Variants in ASPRV1 observed in about 807,000 individuals in gnomAD.
ASPRV1 encodes retroviral-like aspartic protease 1.
A neutral mutation model predicts 11.0 loss-of-function variants in ASPRV1; 7 were observed. The ratio of observed to expected loss-of-function variants is 0.64; its 90% CI spans 0.36 to 1.20. The LOEUF (loss-of-function observed/expected upper bound fraction) is 1.20. Among genes scored for constraint, ASPRV1 ranks in the 50% most tolerant of loss-of-function variants. ASPRV1 has a pLI of 0.02. For synonymous variants in ASPRV1, 136 were observed against 138.4 expected, an observed-to-expected ratio of 0.98 and a Z score of 0.12; for missense variants, 299 against 320.0, an observed-to-expected ratio of 0.93 and a Z score of 0.50.
chr2:69,986,499 T>C, the ASPRV1 span, among the ~76,000 whole-genome samples: 1 of 152,232 alleles, frequency 6.6e-6, no homozygotes, highest in African/African-American at 2.4e-5. Flanking sequence ...AAAGGCTCTA[T>C]AACTCAGGTC....
the ASPRV1 span, among the ~76,000 whole-genome samples, chr2:70,038,241 T>G: frequency 6.6e-6 from 1 of 152,230 alleles, no homozygotes; most frequent in Non-Finnish European, 1.5e-5. Context: ...TATTATTCTT[T>G]GTGTAGCTAA....
the ASPRV1 span, among the ~76,000 whole-genome samples, chr2:69,984,181 G>C: frequency 6.6e-6 from 1 of 152,116 alleles, no homozygotes; most frequent in East Asian, 1.9e-4. Flanking sequence ...TGGGATTACA[G>C]GGGTGCACCA....
chr2:70,010,364 G>C, the ASPRV1 span, among the ~76,000 whole-genome samples: 2 of 152,166 alleles, frequency 1.3e-5, no homozygotes, highest in Non-Finnish European at 2.9e-5. Flanking sequence ...CTGACGTGGG[G>C]TGATTCACAG....
chr2:70,052,535 T>C, the ASPRV1 span, among the ~76,000 whole-genome samples: 1 of 152,114 alleles, frequency 6.6e-6, no homozygotes, highest in Non-Finnish European at 1.5e-5. Context: ...AAGCAGCGTA[T>C]CTGTTCACGC....
the ASPRV1 span, among the ~76,000 whole-genome samples, chr2:69,943,335 A>G: frequency 6.6e-6 from 1 of 152,202 alleles, no homozygotes; most frequent in Non-Finnish European, 1.5e-5. Flanking sequence ...AATGCAGTGT[A>G]ATTAGTTGTG....
chr2:70,078,534 G>A, the ASPRV1 span, among the ~76,000 whole-genome samples: 26 of 152,222 alleles, frequency 1.7e-4, no homozygotes, highest in African/African-American at 6.3e-4. Flanking sequence ...GAAACCTGAA[G>A]GAGATAAGGG....
the ASPRV1 span, chr2:70,086,206 G>A: frequency 1.2e-4 from 19 of 152,176 alleles, no homozygotes; most frequent in South Asian, 4.2e-4. Context: ...GTGCATTCTA[G>A]AGCTTTCGGG....
chr2:70,015,504 G>A, the ASPRV1 span: 1 of 152,234 alleles, frequency 6.6e-6, no homozygotes, highest in Non-Finnish European at 1.5e-5. Context: ...AGGTTTCGCA[G>A]GGCAACTGTG....
chr2:70,000,759 A>G, the ASPRV1 span, among the ~76,000 whole-genome samples: 82 of 134,286 alleles, frequency 6.1e-4, no homozygotes, highest in African/African-American at 2.2e-3. Flanking sequence ...ACTGCACTCC[A>G]GCCTGGGCAA....
chr2:70,000,788 CA>C, the ASPRV1 span, among the ~76,000 whole-genome samples: 247 of 42,028 alleles, frequency 5.9e-3, 3 homozygotes, highest in African/African-American at 0.016. Context: ...GACCCTGCCT[CA>C]AAAAAAAAAA....
the ASPRV1 span, among the ~76,000 whole-genome samples, chr2:69,986,919 C>T: frequency 4.6e-5 from 7 of 152,298 alleles, no homozygotes; most frequent in African/African-American, 1.7e-4. Flanking sequence ...ACAACACATA[C>T]TATGCAATGC....
the ASPRV1 span, among the ~76,000 whole-genome samples, chr2:70,075,790 G>A: frequency 9.2e-5 from 14 of 152,128 alleles, no homozygotes; most frequent in East Asian, 3.9e-4. Context: ...CGGAGGTTGC[G>A]GTGAGGTGAG....
rs142383767 is a variant in ASPRV1, at chr2:69,961,424, C to G, written c.13G>C (p.Gly5Arg). The G allele has an allele frequency of 6.2e-7, 1 of 1,614,062 alleles. No homozygotes were observed. Among genetic ancestry groups the G allele is most frequent in the South Asian group, 1.1e-5 (1 of 91,082 alleles). The change falls in exon 1 of 1, where the codon GGA (glycine) becomes CGA (arginine). Residue 5 changes from glycine (G) to arginine (R), a missense_variant. Transcript: ENST00000320256. Reference sequence around the variant, plus strand: ...CGGCGGCCTTCCTCACTCCTGGCTCCGCTCCCGGCCATCCTGCTGCTCTCC... The same window carrying G: ...CGGCGGCCTTCCTCACTCCTGGCTCGGCTCCCGGCCATCCTGCTGCTCTCC... Reference protein sequence around the residue: MAGSGARSEEGRRQH... With the variant: MAGSRARSEEGRRQH...
the ASPRV1 span, among the ~76,000 whole-genome samples, chr2:69,968,202 C>G: frequency 6.6e-6 from 1 of 152,092 alleles, no homozygotes; most frequent in East Asian, 1.9e-4. Flanking sequence ...AAAATAAAGT[C>G]TATTAAAATT....
chr2:70,037,675 G>C, the ASPRV1 span, among the ~76,000 whole-genome samples: 1 of 151,870 alleles, frequency 6.6e-6, no homozygotes, highest in East Asian at 1.9e-4. Context: ...GTGTACATTA[G>C]AGATATGTTG....
At chr2:69,969,984 G>T in the ASPRV1 span, among the ~76,000 whole-genome samples, 22 of 151,538 alleles carry the variant, frequency 1.5e-4, no homozygotes, top group East Asian at 4.3e-3. Flanking sequence ...CTCCCGCCTT[G>T]GCCTCCCAAA....
At chr2:70,030,280 T>G in the ASPRV1 span, 1 of 152,186 alleles carries the variant, frequency 6.6e-6, no homozygotes, top group East Asian at 1.9e-4. Flanking sequence ...AGGCTGCTGG[T>G]GGGGTGGTGT....
At chr2:70,080,804 GACT>G in the ASPRV1 span, 1 of 152,166 alleles carries the variant, frequency 6.6e-6, no homozygotes, top group South Asian at 2.1e-4. Context: ...TTTCTGAAAT[GACT>G]ACAACTTCTC....
the ASPRV1 span, chr2:70,016,190 G>C: frequency 2.0e-5 from 3 of 152,164 alleles, no homozygotes; most frequent in African/African-American, 7.2e-5. Context: ...ATAAACTTTA[G>C]AAGACTGAAA....
Sources: allele counts gnomAD v4.1 joint callset (sites outside exome capture counted in the v4.1 genomes callset), GRCh38; gene constraint gnomAD v4.1.1; transcripts MANE v1.5; gene names NCBI Gene and HGNC (gene_info 2026-07-23, HGNC 2026-07-21).